Variants in CUX1 observed in about 807,000 individuals in gnomAD.
CUX1 encodes the protein cut like homeobox 1, also known as protein CASP.
A neutral mutation model predicts 158.8 loss-of-function variants in CUX1; 31 were observed. The ratio of observed to expected loss-of-function variants is 0.20; its 90% confidence interval spans 0.15 to 0.26. The LOEUF (loss-of-function observed/expected upper bound fraction) is 0.26. Among genes scored for constraint, CUX1 ranks in the 10% least tolerant of loss-of-function variants. CUX1 has a pLI of 1.00. For missense variants in CUX1, 1,589 were observed against 2,014.6 expected (o/e 0.79, Z 4.04); for synonymous variants, 879 against 862.1 (o/e 1.02, Z -0.34).
chr7:101,949,126 CATTATTATT>C (rs748113946), intron 2 of CUX1, among the ~76,000 whole-genome samples: 1 of 151,630 alleles, frequency 6.6e-6, no homozygotes, highest in Admixed American at 6.6e-5. Context: ...AAACATTGGT[CATTATTATT>C]ATTATTATTA....
chr7:101,872,628 G>A (rs1040362954), intron 1 of CUX1, among the ~76,000 whole-genome samples: 11 of 151,526 alleles, frequency 7.3e-5, no homozygotes, highest in African/African-American at 2.2e-4. Flanking sequence ...TTCTGTATGC[G>A]TGAAATATTA....
Position 102,255,415 on chromosome 7 carries a change from T to A in CUX1, c.*6373T>A, listed in dbSNP as rs1293066145. ...AAAAAAAAAGACAAAAAAAAAAGGCTGGCGAGAGAAAGACATTTGGCTATG... is the reference window on the plus strand; with the variant it reads ...AAAAAAAAAGACAAAAAAAAAAGGCAGGCGAGAGAAAGACATTTGGCTATG... On this transcript the variant is annotated 3_prime_UTR_variant, in exon 24 of 24. Transcript: ENST00000292535. 1 of 982,444 alleles carries A rather than the reference T, an allele frequency of 1.0e-6. No homozygotes were observed. The highest frequency in any genetic ancestry group is 1.8e-5 in the African/African-American group (1 of 56,496). 60.9% of individuals were successfully genotyped at this position (982,444 alleles called of 1,614,324 possible).
rs1789966688 is a variant in CUX1 at position 102,256,983 on chromosome 7, C to T, written c.*7941C>T. Reference sequence around the variant, plus strand: ...ACCTAGGAGATCATAGGCAGAGGGCCCCTTTCCCCTATAGGTGGTTCAACG... The same window carrying T: ...ACCTAGGAGATCATAGGCAGAGGGCTCCTTTCCCCTATAGGTGGTTCAACG... On this transcript the variant is annotated 3_prime_UTR_variant, in exon 24 of 24. Transcript: ENST00000292535. 5 of 985,264 alleles carry T rather than the reference C, an allele frequency of 5.1e-6. No individual in the cohort carries two copies. In the South Asian group the frequency reaches 1.9e-4, roughly 37 times the overall value. The allele number at this position is 985,264 out of a possible 1,614,324, so 61.0% of individuals were successfully genotyped here.
chr7:102,034,069 C>T lies in CUX1; in HGVS notation c.189+5924C>T, dbSNP rs369528959. Among the ~76,000 whole-genome samples the T allele has an allele frequency of 2.4e-4, 32 of 133,494 alleles. 1 individual carries two copies. In the East Asian group the frequency reaches 3.7e-3, roughly 16 times the overall value. The allele number at this position is 133,494 out of a possible 152,430, so 87.6% of individuals were successfully genotyped here. On this transcript the variant is annotated intron_variant, in intron 3 of 23. Coordinates refer to ENST00000292535, the MANE Select transcript of CUX1 (RefSeq NM_181552.4). ...GCTGAGGCAGGAGAATCGCTTAAAC[C>T]CAGCAGGCGGAGGTTGCGGTGAGCT...
intron 1 of CUX1, among the ~76,000 whole-genome samples, chr7:101,840,845 T>G (rs1431418026): frequency 1.3e-5 from 2 of 151,994 alleles, no homozygotes; most frequent in Non-Finnish European, 2.9e-5. Flanking sequence ...ATTTCACTTT[T>G]TTTGTTTTTG....
intron 8 of CUX1, among the ~76,000 whole-genome samples, chr7:102,146,793 TCAC>T (rs1554502177): frequency 6.6e-6 from 1 of 152,154 alleles, no homozygotes; most frequent in Non-Finnish European, 1.5e-5. Context: ...AGATGGGGTT[TCAC>T]CATGTTGGCC....
At chr7:102,161,766 C>A (rs1790451802) in intron 9 of CUX1, among the ~76,000 whole-genome samples, 1 of 152,080 alleles carries the variant, frequency 6.6e-6, no homozygotes, top group Non-Finnish European at 1.5e-5. Context: ...GCCCACCATG[C>A]CCAGCTAATT....
chr7:102,207,160 A>G (rs891558358), intron 20 of CUX1, among the ~76,000 whole-genome samples: 3 of 152,216 alleles, frequency 2.0e-5, no homozygotes, highest in Non-Finnish European at 4.4e-5. Flanking sequence ...TTTATAGAAT[A>G]AAGTTAGTTA....
At chr7:101,865,190 G>A (rs573171528) in intron 1 of CUX1, among the ~76,000 whole-genome samples, 4 of 152,154 alleles carry the variant, frequency 2.6e-5, no homozygotes, top group Admixed American at 6.5e-5. Context: ...ACACCATTTC[G>A]AGGTCCCCTT....
At chr7:102,159,663 C>T (rs1169973342) in intron 9 of CUX1, among the ~76,000 whole-genome samples, 1 of 151,950 alleles carries the variant, frequency 6.6e-6, no homozygotes, top group Non-Finnish European at 1.5e-5. Flanking sequence ...GAGTTTGAGA[C>T]CAGCCTGGCC....
At chr7:102,130,353 G>C (rs1833079579) in intron 8 of CUX1, among the ~76,000 whole-genome samples, 1 of 152,126 alleles carries the variant, frequency 6.6e-6, no homozygotes, top group South Asian at 2.1e-4. Flanking sequence ...AGTGCCCTCT[G>C]ATTTTCCTAA....
chr7:102,151,391 A>G (rs1835640063), intron 8 of CUX1, among the ~76,000 whole-genome samples: 1 of 151,996 alleles, frequency 6.6e-6, no homozygotes, highest in South Asian at 2.1e-4. Context: ...CGTCTCTACT[A>G]AAACTACAAA....
intron 6 of CUX1, among the ~76,000 whole-genome samples, chr7:102,105,459 A>G (rs534592979): frequency 1.3e-5 from 2 of 151,914 alleles, no homozygotes; most frequent in African/African-American, 2.4e-5. Flanking sequence ...ATTCCTTGTA[A>G]CAACAATAAG....
chr7:102,023,689 A>G (rs1402319063), intron 2 of CUX1, among the ~76,000 whole-genome samples: 1 of 152,232 alleles, frequency 6.6e-6, no homozygotes, highest in Non-Finnish European at 1.5e-5. Flanking sequence ...ATTTGCAGGC[A>G]GCAGAATTGG....
chr7:102,254,896 A>G lies in CUX1; in HGVS notation c.*5854A>G. 2.0e-6 allele frequency: 2 copies of G among 985,504 alleles called. No individual in the cohort carries two copies. Among genetic ancestry groups the G allele is most frequent in the Non-Finnish European group, 2.4e-6 (2 of 829,956 alleles). 61.0% of individuals were successfully genotyped at this position (985,504 alleles called of 1,614,324 possible). A position where few individuals can be genotyped will look rare whatever the true frequency, so the allele number is the denominator to read the frequency against. On this transcript the variant is annotated 3_prime_UTR_variant, in exon 24 of 24. Coordinates refer to ENST00000292535, the MANE Select transcript of CUX1 (RefSeq NM_181552.4). ...TTTCGATCAGGTTTTGACTTTTTGT[A>G]GATGAAAACTACCAGGGAAAAGGGG...
chr7:102,083,373 C>A (rs1554479437), intron 4 of CUX1, among the ~76,000 whole-genome samples: 1 of 147,240 alleles, frequency 6.8e-6, no homozygotes, highest in East Asian at 1.9e-4. Flanking sequence ...GTGATATAGT[C>A]ATAGCTCACT....
chr7:102,148,600 A>G (rs1437475597), intron 8 of CUX1, among the ~76,000 whole-genome samples: 3 of 151,266 alleles, frequency 2.0e-5, no homozygotes, highest in Non-Finnish European at 4.4e-5. Flanking sequence ...TATTTTAAAA[A>G]TCTTAATAAA....
In CUX1 at chr7:102,282,373, G is replaced by C. The variant is rs1018097354; in HGVS notation, c.1903-339G>C. Among the ~76,000 whole-genome samples the C allele has an allele frequency of 2.6e-5, 4 of 152,160 alleles. No homozygotes were observed. In the East Asian group the frequency reaches 5.8e-4, roughly 22 times the overall value. On this transcript the variant is annotated intron_variant, in intron 21 of 22. Coordinates refer to the CUX1 transcript ENST00000292538. ...AGTTGGGGGAGAAGAGGGGTGGAAG[G>C]CTGTGTCTCTGGAAGGATCCAGCCT...
chr7:101,913,439 G>T (rs1366867047), intron 1 of CUX1: 1 of 1,241,650 alleles, frequency 8.1e-7, no homozygotes. Context: ...CGGGATCAAG[G>T]TGGGTTCACC....
Sources: gnomAD v4.1 joint callset for allele counts (sites outside exome capture counted in the v4.1 genomes callset) on GRCh38, gnomAD v4.1.1 for gene constraint, MANE v1.5 for transcripts, NCBI Gene and HGNC (gene_info 2026-07-23, HGNC 2026-07-21) for gene names.